The following ARHGEF19 variants were observed in gnomAD, a reference collection of about 807,000 sequenced individuals.
ARHGEF19 encodes the protein Rho guanine nucleotide exchange factor 19.
A neutral mutation model predicts 87.6 loss-of-function variants in ARHGEF19; 92 were observed. That is an observed-to-expected ratio of 1.05 (90% CI 0.89 to 1.25). The LOEUF (loss-of-function observed/expected upper bound fraction) is 1.25. Among genes scored for constraint, ARHGEF19 ranks in the 50% most tolerant of loss-of-function variants. The pLI is 0.00. For missense variants in ARHGEF19, 1,054 were observed against 1,051.8 expected, an observed-to-expected ratio of 1.00 and a Z score of -0.03; for synonymous variants, 438 against 446.2, an observed-to-expected ratio of 0.98 and a Z score of 0.23.
In ARHGEF19 at chr1:16,207,882, C is replaced by CGGG; in HGVS notation, c.694+61_694+62insCCC. On this transcript the variant is annotated intron_variant, in intron 3 of 15. Coordinates refer to ENST00000270747, the MANE Select transcript of ARHGEF19 (RefSeq NM_153213.5). The surrounding 1 kb of genome is among the most constrained non-coding windows in gnomAD (Gnocchi z 4.0). ...CCTCAGGCGGCCGGTGAGTGGGCATCGCCCACCCCCACCCCCACCCGGCAT... is the reference window on the plus strand; with the variant it reads ...CCTCAGGCGGCCGGTGAGTGGGCATCGGGGCCCACCCCCACCCCCACCCGGCAT... 1.1e-5 allele frequency: 16 copies of CGGG among 1,478,720 alleles called. No homozygotes were observed. Among genetic ancestry groups the CGGG allele is most frequent in the African/African-American group, 1.4e-5 (1 of 71,660 alleles). The allele number at this position is 1,478,720 out of a possible 1,614,324, so 91.6% of individuals were successfully genotyped here. A position where few individuals can be genotyped will look rare whatever the true frequency, so the allele number is the denominator to read the frequency against.
Position 16,205,958 on chromosome 1 carries a change from T to C in ARHGEF19, c.1424A>G (p.Tyr475Cys). Residue 475 changes from tyrosine (Y) to cysteine (C), a missense_variant, in exon 8 of 16, where the codon TAC (tyrosine) becomes TGC (cysteine). Physicochemically the swap from Tyr to Cys is radical, Grantham distance 194. Coordinates refer to ENST00000270747, the MANE Select transcript of ARHGEF19 (RefSeq NM_153213.5). The surrounding 1 kb of genome is among the most constrained non-coding windows in gnomAD (Gnocchi z 5.8). ...CAGGCGCTGGTAGGTGCGCTCCTGG[T>C]AGGCCTGGTTGGTGACATAGGGCAG... is the stretch of plus-strand genomic sequence containing the variant. ...VYLPYVTNQA[Y>C]QERTYQRLLL... The C allele has an allele frequency of 6.2e-7, 1 of 1,611,150 alleles. No individual in the cohort carries two copies. Among genetic ancestry groups the C allele is most frequent in the Non-Finnish European group, 8.5e-7 (1 of 1,178,760 alleles).
rs757203915 is a variant in ARHGEF19 at position 16,204,883 on chromosome 1, G to A, written c.1783C>T (p.Arg595Trp). The A allele has an allele frequency of 1.6e-5, 25 of 1,602,764 alleles. No homozygotes were observed. Among genetic ancestry groups the A allele is most frequent in the South Asian group, 5.6e-5 (5 of 88,932 alleles). Residue 595 changes from arginine to tryptophan, a missense_variant, in exon 12 of 16, where the codon CGG (arginine) becomes TGG (tryptophan). Transcript: ENST00000270747. ...PLISQARWLV[R>W]HGELVELAPL... ...GCCAGCTCTACCAACTCTCCATGCCGAACCAGCCAGCGGGCCTGAGAGATC... is the reference window on the plus strand; with the variant it reads ...GCCAGCTCTACCAACTCTCCATGCCAAACCAGCCAGCGGGCCTGAGAGATC...
In ARHGEF19 at chr1:16,202,471, G is replaced by A. The variant is rs771897341; in HGVS notation, c.2011C>T (p.Gln671Ter). Residue 671 changes from glutamine to a stop codon, truncating the protein, a stop_gained, in exon 13 of 16, where the codon CAG (glutamine) becomes TAG (stop). Transcript: ENST00000270747. LOFTEE classifies it high-confidence loss of function. ...TTCATGTGCTGCCCGTGGAGGAGCT[G>A]GAGGAGGAACACGTGGCCGGGGATG... ...QGIPGHVFLLQLLHGQHMKHQ... is the reference protein window; with the variant it reads ...QGIPGHVFLL 1 of 1,614,214 alleles carries A rather than the reference G, an allele frequency of 6.2e-7. No homozygotes were observed.
chr1:16,198,658 G>A lies in ARHGEF19; in HGVS notation c.2338C>T (p.Arg780Cys), dbSNP rs768953810. 2.0e-5 allele frequency: 33 copies of A among 1,613,642 alleles called. No individual in the cohort carries two copies. The highest frequency in any genetic ancestry group is 1.6e-4 in the Middle Eastern group (1 of 6,076). Residue 780 changes from arginine to cysteine, a missense_variant, in exon 16 of 16, where the codon CGC becomes TGC. Transcript: ENST00000270747. The surrounding 1 kb of genome is among the most constrained non-coding windows in gnomAD (Gnocchi z 4.1). ...YVEEISSLSARLRNLRENKRV... is the reference protein window; with the variant it reads ...YVEEISSLSACLRNLRENKRV... ...TTATTCTCCCGGAGGTTTCGGAGGC[G>A]GGCGCTGAGGCTGCTGATCTCTTCC...
At chr1:16,208,273 A>G (rs759103309) in intron 2 of ARHGEF19, 48 bp from the exon 3 acceptor site, 17 of 1,580,918 alleles carry the variant, frequency 1.1e-5, no homozygotes, top group Admixed American at 3.4e-5. Flanking sequence ...GTCTCCCCCA[A>G]CCTCCTCCCT....
chr1:16,206,129 C>A lies in ARHGEF19; in HGVS notation c.1299-46G>T. 6.3e-7 allele frequency: 1 copy of A among 1,576,484 alleles called. No individual in the cohort carries two copies. Among genetic ancestry groups the A allele is most frequent in the Non-Finnish European group, 8.6e-7 (1 of 1,159,608 alleles). On this transcript the variant is annotated intron_variant, in intron 7 of 15. Transcript: ENST00000270747. The surrounding 1 kb of genome is among the most constrained non-coding windows in gnomAD (Gnocchi z 4.6). ...TGGAGACCCCAGATCTGGGAGCTGG[C>A]CAACCACTGGCTCCGTCCCCACCCC... is the stretch of plus-strand genomic sequence containing the variant.
chr1:16,208,025 G>A lies in ARHGEF19; in HGVS notation c.613C>T (p.Leu205=), dbSNP rs2081161937. The change falls in exon 3 of 16, where the codon CTG becomes TTG. Residue 205 remains leucine (L), a synonymous_variant. Transcript: ENST00000270747. ...RFSASELMTR[L]HSSLRLGRNS... The stretch of plus-strand genomic sequence containing the variant: ...CGCCCCAGGCGCAGAGAAGAGTGCA[G>A]CCGGGTCATCAGCTCCGATGCCGAG... The A allele has an allele frequency of 6.2e-7, 1 of 1,613,470 alleles. No individual in the cohort carries two copies. Among genetic ancestry groups the A allele is most frequent in the Non-Finnish European group, 8.5e-7 (1 of 1,180,020 alleles).
At chr1:16,201,728 G>A in intron 14 of ARHGEF19, 54 bp downstream of exon 14, 1 of 1,573,808 alleles carries the variant, frequency 6.4e-7, no homozygotes, top group Non-Finnish European at 8.7e-7. Context: ...GGGAGGGGAG[G>A]AGAGCGGGCG....
At chr1:16,201,347 G>A (rs1331812930) in intron 14 of ARHGEF19, among the ~76,000 whole-genome samples, 1 of 152,132 alleles carries the variant, frequency 6.6e-6, no homozygotes, top group African/African-American at 2.4e-5. Flanking sequence ...TATTCCAGCT[G>A]AGCAGATGCC....
chr1:16,202,630 C>T (rs2081092978), intron 12 of ARHGEF19, 56 bp from the exon 13 acceptor site: 3 of 1,578,836 alleles, frequency 1.9e-6, no homozygotes, highest in Non-Finnish European at 2.6e-6. Flanking sequence ...TCTAGGCACC[C>T]ACCCTCGGGA....
rs1470592806 is a variant in ARHGEF19 at position 16,206,725 on chromosome 1, G to T, written c.1137+223C>A. On this transcript the variant is annotated intron_variant, in intron 6 of 15. Coordinates refer to ENST00000270747, the MANE Select transcript of ARHGEF19 (RefSeq NM_153213.5). The surrounding 1 kb of genome is among the most constrained non-coding windows in gnomAD (Gnocchi z 4.6). ...GTCCCGCTGGCTCCGCCCCCTACCC[G>T]CACCCAAGCCCGGCTCCCCTCGCCT... Among the ~76,000 whole-genome samples, 1 of 151,054 alleles carries T rather than the reference G, an allele frequency of 6.6e-6. No homozygotes were observed. Among genetic ancestry groups the T allele is most frequent in the Non-Finnish European group, 1.5e-5 (1 of 67,794 alleles).
In ARHGEF19 at chr1:16,205,552, T is replaced by G. The variant is rs757511757; in HGVS notation, c.1567A>C (p.Lys523Gln). ...ILPFQRITRLKMLVENILKRT... is the reference protein window; with the variant it reads ...ILPFQRITRLQMLVENILKRT... Reference sequence around the variant, plus strand: ...CCTCGAGGTACCTCCACCAACATCTTGAGGCGGGTGATCCTCTGGAAGGGC... The same window carrying G: ...CCTCGAGGTACCTCCACCAACATCTGGAGGCGGGTGATCCTCTGGAAGGGC... Residue 523 changes from lysine (K) to glutamine (Q), a missense_variant, in exon 9 of 16, where the codon AAG becomes CAG. Lys to Gln is a moderately conservative substitution (Grantham distance 53). Coordinates refer to ENST00000270747, the MANE Select transcript of ARHGEF19 (RefSeq NM_153213.5). This position sits in a 1 kb window ranked among gnomAD's most constrained non-coding sequence, Gnocchi z 5.8. 6.2e-7 allele frequency: 1 copy of G among 1,613,824 alleles called. No homozygotes were observed. Among genetic ancestry groups the G allele is most frequent in the Non-Finnish European group, 8.5e-7 (1 of 1,179,914 alleles).
chr1:16,198,845 G>A lies in ARHGEF19; in HGVS notation c.2252-101C>T. ...TGATGCAAGCTTTGTCTGCACCCTT[G>A]GGGCCAAGGTGACATCATCTCAGCA... On this transcript the variant is annotated intron_variant, in intron 15 of 15. Transcript: ENST00000270747. The surrounding 1 kb of genome is among the most constrained non-coding windows in gnomAD (Gnocchi z 4.1). 1 of 1,428,710 alleles carries A rather than the reference G, an allele frequency of 7.0e-7. No individual in the cohort carries two copies. Among genetic ancestry groups the A allele is most frequent in the East Asian group, 2.3e-5 (1 of 42,942 alleles). The allele number at this position is 1,428,710 out of a possible 1,614,324, so 88.5% of individuals were successfully genotyped here. A position where few individuals can be genotyped will look rare whatever the true frequency, so the allele number is the denominator to read the frequency against.
At chr1:16,201,730 G>C (rs1186386677) in intron 14 of ARHGEF19, 52 bp downstream of exon 14, 20 of 1,575,514 alleles carry the variant, frequency 1.3e-5, no homozygotes, top group Admixed American at 1.7e-5. Flanking sequence ...GAGGGGAGGA[G>C]AGCGGGCGAG....
rs2081126522 is a variant in ARHGEF19, at chr1:16,205,829, C to T, written c.1451+102G>A. 7 of 1,497,616 alleles carry T rather than the reference C, an allele frequency of 4.7e-6. No individual in the cohort carries two copies. Among genetic ancestry groups the T allele is most frequent in the Non-Finnish European group, 6.3e-6 (7 of 1,116,990 alleles). The allele number at this position is 1,497,616 out of a possible 1,614,324, so 92.8% of individuals were successfully genotyped here. ...TGGTCACAGAGACCTTTTCAGGGAC[C>T]CCTCCCCTCCCAGAGTCACCTTACG... On this transcript the variant is annotated intron_variant, in intron 8 of 15. Transcript: ENST00000270747. The surrounding 1 kb of genome is among the most constrained non-coding windows in gnomAD (Gnocchi z 5.8).
Position 16,207,552 on chromosome 1 carries a change from C to A in ARHGEF19, c.844G>T (p.Glu282Ter). The change falls in exon 5 of 16, where the codon GAG (glutamate) becomes TAG (stop). Residue 282 changes from glutamate (E) to a stop codon, truncating the protein, a stop_gained. Transcript: ENST00000270747. LOFTEE classifies it high-confidence loss of function. This position sits in a 1 kb window ranked among gnomAD's most constrained non-coding sequence, Gnocchi z 4.0. ...AGGAGGAATCGAGACTGGCGCCGCTCGTTGGTGCTCCTGGACCCCAAAGGC... is the reference window on the plus strand; with the variant it reads ...AGGAGGAATCGAGACTGGCGCCGCTAGTTGGTGCTCCTGGACCCCAAAGGC... ...EPPLGSRSTN[E>*]RRQSRFLLNS... is the part of the protein sequence containing the mutation. The A allele has an allele frequency of 6.2e-7, 1 of 1,614,026 alleles. No individual in the cohort carries two copies. The highest frequency in any genetic ancestry group is 8.5e-7 in the Non-Finnish European group (1 of 1,180,006).
chr1:16,207,774 T>C lies in ARHGEF19; in HGVS notation c.698A>G (p.Lys233Arg). Residue 233 changes from lysine (K) to arginine (R), a missense_variant, in exon 4 of 16, where the codon AAA becomes AGA. Transcript: ENST00000270747. The surrounding 1 kb of genome is among the most constrained non-coding windows in gnomAD (Gnocchi z 4.0). Reference sequence around the variant, plus strand: ...ACTTCGAGCCTCCATTCCAGATGCTTTCCCTGGAGAGGGCGAGAACTGAGG... The same window carrying C: ...ACTTCGAGCCTCCATTCCAGATGCTCTCCCTGGAGAGGGCGAGAACTGAGG... ...GSGTGAAREGKASGMEARSVE... is the reference protein window; with the variant it reads ...GSGTGAAREGRASGMEARSVE... 1 of 1,613,786 alleles carries C rather than the reference T, an allele frequency of 6.2e-7. No individual in the cohort carries two copies.
rs554428936 is a variant in ARHGEF19, at chr1:16,207,588, G to A, written c.808C>T (p.Gln270Ter). ...GDWSEPRLDT[Q>*]EEPPLGSRST... ...CTGGACCCCAAAGGCGGCTCTTCCT[G>A]TGTGTCTAGCCTAGGAAAGAGAGAG... Residue 270 changes from glutamine to a stop codon, truncating the protein, a stop_gained, in exon 5 of 16, where the codon CAG becomes TAG. Coordinates refer to ENST00000270747, the MANE Select transcript of ARHGEF19 (RefSeq NM_153213.5). LOFTEE classifies it high-confidence loss of function. This position sits in a 1 kb window ranked among gnomAD's most constrained non-coding sequence, Gnocchi z 4.0. The A allele has an allele frequency of 1.2e-6, 2 of 1,614,012 alleles. No individual in the cohort carries two copies. Among genetic ancestry groups the A allele is most frequent in the Non-Finnish European group, 1.7e-6 (2 of 1,180,004 alleles).
At chr1:16,208,261 G>C in intron 2 of ARHGEF19, 36 bp from the exon 3 acceptor site, 1 of 1,596,524 alleles carries the variant, frequency 6.3e-7, no homozygotes, top group Middle Eastern at 1.9e-4. Context: ...GCACGGGCTG[G>C]GGTCTCCCCC....
Sources: gnomAD v4.1 joint callset for allele counts (sites outside exome capture counted in the v4.1 genomes callset) on GRCh38, gnomAD v4.1.1 for gene constraint, Gnocchi (gnomAD v3.1) non-coding constraint, MANE v1.5 for transcripts, NCBI Gene and HGNC (gene_info 2026-07-23, HGNC 2026-07-21) for gene names.